The following SLC17A3 variants were observed in gnomAD, a reference collection of about 807,000 sequenced individuals.
The protein encoded by SLC17A3 is sodium-dependent phosphate transport protein 4.
Under a neutral mutation model 60.3 loss-of-function variants are expected in SLC17A3, and 61 were observed. That is an observed-to-expected ratio of 1.01 (90% CI 0.82 to 1.25). The LOEUF (loss-of-function observed/expected upper bound fraction) is 1.25, where lower values mean the gene tolerates loss of function less well. SLC17A3 is among the 50% of genes most tolerant of loss of function. The probability of loss-of-function intolerance (pLI) is 0.00; values close to 1 mark genes in which losing one functional copy is unlikely to be tolerated. For synonymous variants in SLC17A3, 192 were observed against 208.9 expected, an observed-to-expected ratio of 0.92 and a Z score of 0.70; for missense variants, 624 against 594.9, an observed-to-expected ratio of 1.05 and a Z score of -0.51.
chr6:25,860,602 T>C (rs556525542), intron 5 of SLC17A3, among the ~76,000 whole-genome samples: 2 of 152,268 alleles, frequency 1.3e-5, no homozygotes, highest in South Asian at 4.1e-4. Context: ...AAGGATCACC[T>C]GCCTGGAGCC....
chr6:25,865,914 C>T (rs1054715905), intron 2 of SLC17A3, among the ~76,000 whole-genome samples: 1 of 151,976 alleles, frequency 6.6e-6, no homozygotes, highest in Non-Finnish European at 1.5e-5. Context: ...AGGGCACTGA[C>T]ACCATGAAAT....
chr6:25,870,813 G>A (rs1006682834), intron 1 of SLC17A3, among the ~76,000 whole-genome samples: 1 of 152,014 alleles, frequency 6.6e-6, no homozygotes, highest in African/African-American at 2.4e-5. Flanking sequence ...TTAGTAACAG[G>A]TAGTTGTGTT....
At chr6:25,858,181 A>C (rs1395518406) in intron 5 of SLC17A3, among the ~76,000 whole-genome samples, 1 of 139,400 alleles carries the variant, frequency 7.2e-6, no homozygotes, top group Non-Finnish European at 1.6e-5. Context: ...CATGATAAAA[A>C]CAAAACAAAA....
intron 6 of SLC17A3, among the ~76,000 whole-genome samples, chr6:25,852,541 A>G (rs1581522470): frequency 1.3e-5 from 2 of 151,924 alleles, no homozygotes; most frequent in Admixed American, 1.3e-4. Context: ...TGGGTTTTGG[A>G]TGATTTCTAT....
intron 11 of SLC17A3, among the ~76,000 whole-genome samples, chr6:25,846,266 T>G (rs1347864534): frequency 6.6e-6 from 1 of 152,222 alleles, no homozygotes; most frequent in Non-Finnish European, 1.5e-5. Context: ...CAAAACACTG[T>G]TATTCTAGTG....
intron 3 of SLC17A3, 102 bp from the exon 4 acceptor site, chr6:25,862,131 T>C: frequency 7.1e-7 from 1 of 1,404,372 alleles, no homozygotes; most frequent in Non-Finnish European, 9.9e-7. Flanking sequence ...AATCACTATT[T>C]TCTCCATTAA....
chr6:25,871,815 C>T (rs1561862045), intron 1 of SLC17A3, among the ~76,000 whole-genome samples: 1 of 151,658 alleles, frequency 6.6e-6, no homozygotes, highest in Non-Finnish European at 1.5e-5. Context: ...CTTTTTGTTT[C>T]TAAGGTTAAA....
chr6:25,868,193 A>C, intron 2 of SLC17A3, 104 bp downstream of exon 2: 1 of 840,132 alleles, frequency 1.2e-6, no homozygotes, highest in East Asian at 2.6e-5. Flanking sequence ...ATTTGTAAAA[A>C]GAATTAAAGA....
In SLC17A3 at chr6:25,850,496, G is replaced by A; in HGVS notation, c.956C>T (p.Thr319Ile). The change falls in exon 8 of 13, where the codon ACT (threonine) becomes ATT (isoleucine). Residue 319 changes from threonine to isoleucine, a missense_variant. Coordinates refer to ENST00000397060, the MANE Select transcript of SLC17A3 (RefSeq NM_001098486.2). ...AACATGGTACACAGAGCTGATGTAA[G>A]TTGGTATGTATACAACCATTGTGCT... Reference protein sequence around the residue: ...LVSTMVVYIPTYISSVYHVNI... With the variant: ...LVSTMVVYIPIYISSVYHVNI... The A allele has an allele frequency of 1.2e-6, 2 of 1,613,890 alleles. No homozygotes were observed. The highest frequency in any genetic ancestry group is 1.7e-6 in the Non-Finnish European group (2 of 1,179,798).
At chr6:25,866,787 G>T (rs1357619609) in intron 2 of SLC17A3, among the ~76,000 whole-genome samples, 1 of 151,936 alleles carries the variant, frequency 6.6e-6, no homozygotes, top group Non-Finnish European at 1.5e-5. Flanking sequence ...GTGTGTAAAT[G>T]GTGTTGTGGC....
At chr6:25,872,947 G>A (rs1765669332) in intron 1 of SLC17A3, among the ~76,000 whole-genome samples, 1 of 152,020 alleles carries the variant, frequency 6.6e-6, no homozygotes, top group Non-Finnish European at 1.5e-5. Context: ...AAGTGAACCA[G>A]GATGTCACAT....
intron 5 of SLC17A3, among the ~76,000 whole-genome samples, chr6:25,860,135 A>G (rs1323128129): frequency 6.6e-6 from 1 of 152,148 alleles, no homozygotes; most frequent in Non-Finnish European, 1.5e-5. Context: ...CATTATTTTT[A>G]GATTAAAGGT....
chr6:25,849,774 G>A, intron 10 of SLC17A3, 31 bp downstream of exon 10: 1 of 1,607,834 alleles, frequency 6.2e-7, no homozygotes, highest in South Asian at 1.1e-5. Flanking sequence ...TAAAGAAAAT[G>A]TGAAACTGAT....
chr6:25,855,176 G>C lies in SLC17A3; in HGVS notation c.680C>G (p.Thr227Ser). ...ATAGAAGACAAAGGGCCACCCAAGG[G>C]TTTCACTAATGAAGCCACCTATGAG... is the stretch of plus-strand genomic sequence containing the variant. ...AILIGGFISE[T>S]LGWPFVFYIF... The change falls in exon 6 of 13, where the codon ACC becomes AGC. Residue 227 changes from threonine (T) to serine (S), a missense_variant. Thr to Ser is a moderately conservative substitution (Grantham distance 58). Transcript: ENST00000397060. 6.2e-7 allele frequency: 1 copy of C among 1,613,524 alleles called. No homozygotes were observed. The highest frequency in any genetic ancestry group is 1.1e-5 in the South Asian group (1 of 91,026).
In SLC17A3 at chr6:25,857,521, CT is replaced by C. The variant is rs557510967; in HGVS notation, c.626-2292del. Among the ~76,000 whole-genome samples, 91 of 145,082 alleles carry C rather than the reference CT, an allele frequency of 6.3e-4. No individual in the cohort carries two copies. In the South Asian group the frequency reaches 0.017, roughly 27 times the overall value. Reference sequence around the variant, plus strand: ...CTCTATAATGACCTCTACGTTTACTCTTTTGTTTAGAAGATCTTTTCCTACC... The same window carrying C: ...CTCTATAATGACCTCTACGTTTACTCTTTGTTTAGAAGATCTTTTCCTACC... On this transcript the variant is annotated intron_variant, in intron 5 of 12. Coordinates refer to ENST00000397060, the MANE Select transcript of SLC17A3 (RefSeq NM_001098486.2).
At chr6:25,865,688 C>G (rs1765522144) in intron 2 of SLC17A3, among the ~76,000 whole-genome samples, 1 of 151,914 alleles carries the variant, frequency 6.6e-6, no homozygotes, top group South Asian at 2.1e-4. Context: ...TTCCTACAGC[C>G]CACTATTTGT....
intron 1 of SLC17A3, 158 bp from the exon 2 acceptor site, chr6:25,868,578 A>C (rs562155966): frequency 2.4e-4 from 145 of 600,506 alleles, no homozygotes; most frequent in Middle Eastern, 9.1e-4. Context: ...CACAACAAGC[A>C]TACTGCACGT....
intron 11 of SLC17A3, among the ~76,000 whole-genome samples, chr6:25,846,256 C>A (rs1298243041): frequency 6.6e-6 from 1 of 151,930 alleles, no homozygotes; most frequent in Non-Finnish European, 1.5e-5. Context: ...GCAATGAAAC[C>A]AAAACACTGT....
At chr6:25,861,182 T>C (rs888635262) in intron 5 of SLC17A3, among the ~76,000 whole-genome samples, 2 of 152,154 alleles carry the variant, frequency 1.3e-5, no homozygotes, top group East Asian at 3.8e-4. Flanking sequence ...CAAGAAGTTC[T>C]CAGGACAATT....
Sources: gnomAD v4.1 joint callset for allele counts (sites outside exome capture counted in the v4.1 genomes callset) on GRCh38, gnomAD v4.1.1 for gene constraint, MANE v1.5 for transcripts, NCBI Gene and HGNC (gene_info 2026-07-23, HGNC 2026-07-21) for gene names.